SNX11: variants seen among roughly 807,000 people sequenced by gnomAD.
The protein encoded by SNX11 is sorting nexin 11, also known as sorting nexin-11.
In SNX11, 19 loss-of-function variants were observed where a neutral mutation model predicts 30.7. The ratio of observed to expected loss-of-function variants is 0.62; its 90% CI spans 0.43 to 0.91. The LOEUF (loss-of-function observed/expected upper bound fraction) is 0.91. Ranked by LOEUF, SNX11 falls within the 40% of genes least tolerant of loss-of-function variation. The pLI is 0.00. For synonymous variants in SNX11, 112 were observed against 119.0 expected, an observed-to-expected ratio of 0.94 and a Z score of 0.38; for missense variants, 302 against 326.7, an observed-to-expected ratio of 0.92 and a Z score of 0.58.
intron 6 of SNX11, among the ~76,000 whole-genome samples, chr17:48,120,268 A>G (rs574526790): frequency 1.1e-4 from 14 of 131,216 alleles, no homozygotes; most frequent in Admixed American, 5.3e-4. Context: ...ATGCAGTGGC[A>G]TGATCTCGGC....
rs2063466594 is a variant in SNX11, at chr17:48,109,262, TTTC to T, written c.-14+1427_-14+1429del. Among the ~76,000 whole-genome samples, 6 of 113,018 alleles carry T rather than the reference TTTC, an allele frequency of 5.3e-5. No homozygotes were observed. The South Asian group carries it at 2.3e-3, about 43-fold the overall frequency. 74.1% of individuals were successfully genotyped at this position (113,018 alleles called of 152,430 possible). A position where few individuals can be genotyped will look rare whatever the true frequency, so the allele number is the denominator to read the frequency against. Reference sequence around the variant, plus strand: ...TTTTAAGGACAGTTACAACTGAAACTTTCTTTTTTTTTTTTTGAGACGGAGTCT... The same window carrying T: ...TTTTAAGGACAGTTACAACTGAAACTTTTTTTTTTTTTTGAGACGGAGTCT... On this transcript the variant is annotated intron_variant, in intron 1 of 6. Transcript: ENST00000359238.
chr17:48,112,708 A>T (rs2144508685), intron 3 of SNX11, 48 bp downstream of exon 3: 338 of 1,065,808 alleles, frequency 3.2e-4, no homozygotes, highest in Non-Finnish European at 4.2e-4. Context: ...TGCAGGGCTG[A>T]GGGGCTTGTA....
At chr17:48,112,459 G>T (rs1400533609) in intron 2 of SNX11, 115 bp from the exon 3 acceptor site, 11 of 714,814 alleles carry the variant, frequency 1.5e-5, no homozygotes, top group Non-Finnish European at 2.5e-5. Flanking sequence ...TTGAATAAAT[G>T]AAAGTTGGTG....
At chr17:48,112,467 G>A in intron 2 of SNX11, 107 bp from the exon 3 acceptor site, 2 of 725,246 alleles carry the variant, frequency 2.8e-6, no homozygotes, top group Admixed American at 2.2e-5. Flanking sequence ...ATGAAAGTTG[G>A]TGTTGAGTGA....
rs372225250 is a variant in SNX11, at chr17:48,121,256, G to A, written c.561G>A (p.Ser187=). ...QPKSCCFLPR[S]GRRSSPSPPP... ...CCAGTTGCTGCTTTCTTCCAAGATC[G>A]GGTAGGAGGAGCTCTCCCTCACCGC... The change falls in exon 7 of 7, where the codon TCG becomes TCA. Residue 187 remains serine, a synonymous_variant. Transcript: ENST00000359238. 1.2e-5 allele frequency: 19 copies of A among 1,614,038 alleles called. No homozygotes were observed. The highest frequency in any genetic ancestry group is 8.9e-5 in the East Asian group (4 of 44,878).
rs962282901 is a variant in SNX11 at position 48,122,862 on chromosome 17, T to G, written c.*1354T>G. On this transcript the variant is annotated 3_prime_UTR_variant, in exon 7 of 7. Transcript: ENST00000359238. The stretch of plus-strand genomic sequence containing the variant: ...CAGTGTGGAAATAATGCTTCAGAAC[T>G]GTGCTCTGTAGCCCTCCTGCATTGT... 2 of 152,222 alleles carry G rather than the reference T, an allele frequency of 1.3e-5. No homozygotes were observed. The highest frequency in any genetic ancestry group is 2.4e-5 in the African/African-American group (1 of 41,452). 9.4% of individuals were successfully genotyped at this position (152,222 alleles called of 1,614,324 possible).
chr17:48,114,032 T>G (rs1266456905), intron 4 of SNX11, among the ~76,000 whole-genome samples: 4 of 151,744 alleles, frequency 2.6e-5, no homozygotes, highest in African/African-American at 9.7e-5. Context: ...ATTTTTGTAT[T>G]TTTAGTAGAG....
At chr17:48,109,561 C>A (rs2063469986) in intron 1 of SNX11, among the ~76,000 whole-genome samples, 1 of 149,454 alleles carries the variant, frequency 6.7e-6, no homozygotes, top group African/African-American at 2.4e-5. Context: ...CCCGGCCCAT[C>A]TGGAGGTTTT....
chr17:48,121,111 G>C, intron 6 of SNX11, 124 bp from the exon 7 acceptor site: 1 of 1,025,404 alleles, frequency 9.8e-7, no homozygotes, highest in East Asian at 2.4e-5. Context: ...TCAGCTTCCT[G>C]AGTAGTTGGG....
intron 2 of SNX11, 200 bp from the exon 3 acceptor site, chr17:48,112,374 C>T: frequency 1.5e-6 from 1 of 648,214 alleles, no homozygotes. Context: ...GTGCCTATAA[C>T]AGTGTCTGAC....
intron 1 of SNX11, among the ~76,000 whole-genome samples, chr17:48,108,767 A>G (rs1415179470): frequency 6.6e-6 from 1 of 152,208 alleles, no homozygotes. Context: ...GTACAGATCC[A>G]TCTCCCAGAT....
chr17:48,108,156 A>G (rs1439723261), intron 1 of SNX11, among the ~76,000 whole-genome samples: 2 of 152,086 alleles, frequency 1.3e-5, no homozygotes, highest in African/African-American at 4.8e-5. Flanking sequence ...GACTCTGGGG[A>G]CATTTACTTA....
At chr17:48,121,155 T>C in intron 6 of SNX11, 80 bp from the exon 7 acceptor site, 1 of 1,466,836 alleles carries the variant, frequency 6.8e-7, no homozygotes, top group Admixed American at 2.0e-5. Context: ...CTGGCTAATT[T>C]ATTTTTTTGT....
At position 48,117,927 on chromosome 17, in the gene SNX11, A is replaced by T. The variant is rs527515122; in HGVS notation, c.231-777A>T. On this transcript the variant is annotated intron_variant, in intron 4 of 6. Transcript: ENST00000359238. ...TATTCTGGGAGGCTGATGCAGGAGG[A>T]TTACTTCATCCCAGGAATTTGAGGC... is the stretch of plus-strand genomic sequence containing the variant. Among the ~76,000 whole-genome samples the T allele has an allele frequency of 2.0e-5, 3 of 152,242 alleles. No homozygotes were observed. In the East Asian group the frequency reaches 5.8e-4, roughly 29 times the overall value.
rs2063497741 is a variant in SNX11, at chr17:48,112,064, G to A, written c.21G>A (p.Met7Ile). 4 of 1,613,794 alleles carry A rather than the reference G, an allele frequency of 2.5e-6. No individual in the cohort carries two copies. Among genetic ancestry groups the A allele is most frequent in the Non-Finnish European group, 3.4e-6 (4 of 1,179,724 alleles). MGFWCR[M>I]SENQEQEEVI... ...TTCCAATGGGCTTTTGGTGTAGGAT[G>A]TCGGAGAACCAAGAACAGGAGGTAA... Residue 7 changes from methionine to isoleucine, a missense_variant, in exon 2 of 7, where the codon ATG becomes ATA. Physicochemically the swap from Met to Ile is conservative, Grantham distance 10. Transcript: ENST00000359238.
intron 4 of SNX11, among the ~76,000 whole-genome samples, chr17:48,115,878 C>A (rs766843118): frequency 2.0e-5 from 3 of 150,710 alleles, no homozygotes; most frequent in Non-Finnish European, 2.9e-5. Context: ...AACTCCGTTC[C>A]CCTGACAAAT....
chr17:48,118,590 A>AAG (rs1361999601), intron 4 of SNX11, 114 bp from the exon 5 acceptor site: 1 of 715,116 alleles, frequency 1.4e-6, no homozygotes, highest in Non-Finnish European at 2.3e-6. Flanking sequence ...AAAAAAAAAA[A>AAG]AAAGCTATTT....
intron 3 of SNX11, 77 bp from the exon 4 acceptor site, chr17:48,113,224 C>T: frequency 8.4e-7 from 1 of 1,197,210 alleles, no homozygotes; most frequent in Non-Finnish European, 1.2e-6. Flanking sequence ...TCAGTGAAAG[C>T]AATGATAGGG....
In SNX11 at chr17:48,112,631, T is replaced by C. The variant is rs2063502715; in HGVS notation, c.100T>C (p.Ser34Pro). ...PRVQNEGSWN[S>P]YVDYKIFLHT... is the part of the protein sequence containing the mutation. ...AGTGCAGAATGAGGGCTCCTGGAAC[T>C]CTTATGTGGATTATAAGATATTCCT... The change falls in exon 3 of 7, where the codon TCT becomes CCT. Residue 34 changes from serine to proline, a missense_variant. Coordinates refer to ENST00000359238, the MANE Select transcript of SNX11 (RefSeq NM_013323.3). 6.2e-7 allele frequency: 1 copy of C among 1,613,464 alleles called. No homozygotes were observed. Among genetic ancestry groups the C allele is most frequent in the Admixed American group, 1.7e-5 (1 of 59,994 alleles).
Sources: gnomAD v4.1 joint callset for allele counts (sites outside exome capture counted in the v4.1 genomes callset) on GRCh38, gnomAD v4.1.1 for gene constraint, MANE v1.5 for transcripts, NCBI Gene and HGNC (gene_info 2026-07-23, HGNC 2026-07-21) for gene names.